ATAT1: variants seen among roughly 807,000 people sequenced by gnomAD.
The protein encoded by ATAT1 is alpha tubulin acetyltransferase 1.
A neutral mutation model predicts 57.2 loss-of-function variants in ATAT1; 42 were observed. That is an observed-to-expected ratio of 0.73 (90% CI 0.57 to 0.95). The LOEUF is 0.95. ATAT1 is among the 40% of genes least tolerant of loss of function. The pLI is 0.00. For missense variants in ATAT1, 454 were observed against 523.7 expected (o/e 0.87, Z 1.30); for synonymous variants, 168 against 187.1 (o/e 0.90, Z 0.83).
At chr6:30,642,356 T>C in intron 9 of ATAT1, 109 bp downstream of exon 9, 3 of 1,492,046 alleles carry the variant, frequency 2.0e-6, no homozygotes, top group Non-Finnish European at 2.8e-6. Context: ...GACTCAGATT[T>C]CTTGGGCTGG....
chr6:30,630,313 C>T (rs1046612043), intron 6 of ATAT1, among the ~76,000 whole-genome samples: 7 of 151,562 alleles, frequency 4.6e-5, no homozygotes, highest in African/African-American at 1.7e-4. Context: ...AGAGAGAGAC[C>T]CTGTCTCCAA....
At position 30,645,914 on chromosome 6, in the gene ATAT1, G is replaced by A. The variant is rs939532950; in HGVS notation, c.952G>A (p.Val318Ile). Residue 318 changes from valine (V) to isoleucine (I), a missense_variant, in exon 11 of 13, where the codon GTA becomes ATA. Around this residue, in one of 3 missense-constraint regions of ATAT1, gnomAD observed 216 missense variants for 222.2 expected, o/e 0.97. Transcript: ENST00000330083. Reference sequence around the variant, plus strand: ...CTACAGGGGGACTCCCCCAGGTCTGGTAGCCCAAAGCTGCTGCTACAGCCG... The same window carrying A: ...CTACAGGGGGACTCCCCCAGGTCTGATAGCCCAAAGCTGCTGCTACAGCCG... 10 of 1,508,486 alleles carry A rather than the reference G, an allele frequency of 6.6e-6. No homozygotes were observed. Among genetic ancestry groups the A allele is most frequent in the Non-Finnish European group, 8.9e-6 (10 of 1,129,304 alleles). 93.4% of individuals were successfully genotyped at this position (1,508,486 alleles called of 1,614,324 possible).
chr6:30,643,844 ATGGCTC>A, intron 10 of ATAT1: 2 of 1,316,370 alleles, frequency 1.5e-6, no homozygotes, highest in South Asian at 4.8e-5. Context: ...TCTTGGTTAG[ATGGCTC>A]ATACATTTAT....
chr6:30,641,638 A>T, intron 8 of ATAT1: 1 of 403,374 alleles, frequency 2.5e-6, no homozygotes, highest in South Asian at 1.0e-4. Context: ...AGATGCCCAT[A>T]TTTATTTTCT....
At chr6:30,635,501 A>AT (rs1561909344) in intron 6 of ATAT1, among the ~76,000 whole-genome samples, 1 of 152,086 alleles carries the variant, frequency 6.6e-6, no homozygotes, top group Non-Finnish European at 1.5e-5. Flanking sequence ...AGGCAGGACA[A>AT]TCACTTGAAT....
At position 30,642,114 on chromosome 6, in the gene ATAT1, G is replaced by A. The variant is rs975245206; in HGVS notation, c.617-62G>A. The A allele has an allele frequency of 5.0e-6, 8 of 1,610,652 alleles. No individual in the cohort carries two copies. In the African/African-American group the frequency reaches 1.1e-4, roughly 22 times the overall value. The stretch of plus-strand genomic sequence containing the variant: ...GTTTGGGGTTGGGGTATAGTGGCTG[G>A]GAGGAGGGGTGCAAAGTATGTCTCC... On this transcript the variant is annotated intron_variant, in intron 8 of 12. Transcript: ENST00000330083.
chr6:30,641,514 C>A (rs1765438431), intron 8 of ATAT1, among the ~76,000 whole-genome samples: 1 of 152,150 alleles, frequency 6.6e-6, no homozygotes. Context: ...GCCACACATA[C>A]ATGATGGAGA....
At chr6:30,643,979 C>G (rs1766104773) in intron 10 of ATAT1, 1 of 1,028,392 alleles carries the variant, frequency 9.7e-7, no homozygotes, top group East Asian at 8.4e-5. Context: ...CCCATATTCC[C>G]TCTAGTGTCT....
chr6:30,646,343 A>G (rs780368384), intron 12 of ATAT1, 126 bp from the exon 13 acceptor site: 31 of 1,447,832 alleles, frequency 2.1e-5, no homozygotes, highest in Non-Finnish European at 2.6e-5. Context: ...CATAGCACTA[A>G]TGGTTCCAGC....
At chr6:30,646,259 C>A (rs1357286213) in intron 12 of ATAT1, 150 bp downstream of exon 12, 1 of 1,460,278 alleles carries the variant, frequency 6.8e-7, no homozygotes, top group Admixed American at 2.7e-5. Context: ...ATCCTGCAAG[C>A]CCCTTTCCCC....
intron 6 of ATAT1, among the ~76,000 whole-genome samples, chr6:30,637,537 G>T (rs1229793029): frequency 6.6e-6 from 1 of 151,910 alleles, no homozygotes; most frequent in East Asian, 1.9e-4. Flanking sequence ...ACAAAAATAA[G>T]CCGGGCGTGG....
At chr6:30,643,355 CAG>C (rs1273310355) in intron 10 of ATAT1, 8 of 1,447,644 alleles carry the variant, frequency 5.5e-6, no homozygotes, top group East Asian at 5.0e-5. Context: ...CAGTGTCTGA[CAG>C]AGAGTGGGAA....
At chr6:30,641,853 T>A (rs778773257) in intron 8 of ATAT1, 12 of 1,157,482 alleles carry the variant, frequency 1.0e-5, no homozygotes, top group Non-Finnish European at 1.3e-5. Context: ...CAGGGGGCCA[T>A]GACAGCACCC....
intron 6 of ATAT1, among the ~76,000 whole-genome samples, chr6:30,632,163 A>AG (rs1325746148): frequency 1.3e-5 from 2 of 149,200 alleles, no homozygotes; most frequent in African/African-American, 4.9e-5. Flanking sequence ...GCTGTTTGGG[A>AG]GTCTGAGGCA....
chr6:30,627,615 CTGACTTAA>C lies in ATAT1; in HGVS notation c.133-19_133-12del. 1 of 1,611,870 alleles carries C rather than the reference CTGACTTAA, an allele frequency of 6.2e-7. No homozygotes were observed. The highest frequency in any genetic ancestry group is 1.7e-5 in the Admixed American group (1 of 60,018). On this transcript the variant is annotated splice_polypyrimidine_tract_variant and intron_variant, in intron 2 of 12. Coordinates refer to ENST00000330083, the MANE Select transcript of ATAT1 (RefSeq NM_001031722.4). The stretch of plus-strand genomic sequence containing the variant: ...TCCTTCGGAGAGACTTGCAGAAAGT[CTGACTTAA>C]TCTTCCCTGCAGGCCCAGAATCTTT...
intron 6 of ATAT1, among the ~76,000 whole-genome samples, chr6:30,634,911 C>A (rs1000087085): frequency 6.6e-6 from 1 of 151,836 alleles, no homozygotes. Context: ...TGGCGTGAAC[C>A]CGGGAGGCAG....
At chr6:30,642,327 A>T (rs1160459426) in intron 9 of ATAT1, 80 bp downstream of exon 9, 1 of 1,584,282 alleles carries the variant, frequency 6.3e-7, no homozygotes, top group Non-Finnish European at 8.7e-7. Context: ...ACCCAGGGAA[A>T]GGATTCGTTC....
At chr6:30,643,575 C>T in intron 10 of ATAT1, 1 of 1,550,768 alleles carries the variant, frequency 6.4e-7, no homozygotes, top group Non-Finnish European at 8.7e-7. Flanking sequence ...GCTACCCTCT[C>T]CCTGCCCTGG....
chr6:30,640,815 T>A (rs1031029251), intron 8 of ATAT1: 2 of 604,124 alleles, frequency 3.3e-6, no homozygotes, highest in African/African-American at 3.7e-5. Flanking sequence ...ATTGGGAGCC[T>A]GTTTGACAGC....
Sources: allele counts gnomAD v4.1 joint callset (sites outside exome capture counted in the v4.1 genomes callset), GRCh38; gene constraint gnomAD v4.1.1; regional missense constraint gnomAD v4.1.1; transcripts MANE v1.5; gene names NCBI Gene and HGNC (gene_info 2026-07-23, HGNC 2026-07-21).